Variants in RANBP2 observed in about 807,000 individuals in gnomAD.
RANBP2 encodes E3 SUMO-protein ligase RanBP2.
A neutral mutation model predicts 303.6 loss-of-function variants in RANBP2; 57 were observed. The observed-to-expected ratio is 0.19, with a 90% CI of 0.15 to 0.23. The LOEUF (loss-of-function observed/expected upper bound fraction) is 0.23, where lower values mean the gene tolerates loss of function less well. Among genes scored for constraint, RANBP2 ranks in the 10% least tolerant of loss-of-function variants. The pLI is 1.00. For missense variants in RANBP2, 3,138 were observed against 3,780.8 expected, an observed-to-expected ratio of 0.83 and a Z score of 4.46; for synonymous variants, 1,167 against 1,301.5, an observed-to-expected ratio of 0.90 and a Z score of 2.23.
At chr2:109,524,330 A>G in the RANBP2 span, among the ~76,000 whole-genome samples, 4 of 151,394 alleles carry the variant, frequency 2.6e-5, no homozygotes, top group African/African-American at 7.3e-5. Context: ...TTCTCATGAC[A>G]TGGGGATTTG....
chr2:109,546,081 T>C, the RANBP2 span: 2 of 1,602,366 alleles, frequency 1.2e-6, no homozygotes, highest in Non-Finnish European at 1.7e-6. Context: ...CTCAGGTTGC[T>C]GCCTGTTGCC....
the RANBP2 span, among the ~76,000 whole-genome samples, chr2:108,995,979 CATT>C: frequency 1.3e-5 from 2 of 152,160 alleles, no homozygotes; most frequent in Non-Finnish European, 2.9e-5. Context: ...TGCAGTTTCT[CATT>C]ATGAAAAATT....
At chr2:109,251,787 A>G in the RANBP2 span, 1 of 520,900 alleles carries the variant, frequency 1.9e-6, no homozygotes, top group South Asian at 2.4e-5. Flanking sequence ...AAAAAGAATT[A>G]GATAATACTA....
the RANBP2 span, among the ~76,000 whole-genome samples, chr2:109,285,865 TCC>T: frequency 6.6e-6 from 1 of 152,166 alleles, no homozygotes; most frequent in Non-Finnish European, 1.5e-5. Context: ...GCCTGACCAC[TCC>T]CTTCCTCCCA....
chr2:109,733,022 C>T, the RANBP2 span: 1 of 576,488 alleles, frequency 1.7e-6, no homozygotes, highest in African/African-American at 1.9e-5. Flanking sequence ...TAGGAGGGGT[C>T]TTCCACCTCG....
At chr2:109,521,744 G>A in the RANBP2 span, among the ~76,000 whole-genome samples, 1 of 152,204 alleles carries the variant, frequency 6.6e-6, no homozygotes, top group Admixed American at 6.5e-5. Flanking sequence ...AAGAAAGCAG[G>A]GTGGAGTCCC....
the RANBP2 span, among the ~76,000 whole-genome samples, chr2:109,163,702 A>G: frequency 2.0e-4 from 30 of 152,144 alleles, no homozygotes; most frequent in African/African-American, 6.5e-4. Context: ...CCTGGCCGCA[A>G]ATATTCTTAA....
the RANBP2 span, among the ~76,000 whole-genome samples, chr2:109,536,656 G>A: frequency 6.6e-6 from 1 of 152,132 alleles, no homozygotes; most frequent in East Asian, 1.9e-4. Context: ...AGGCATGATT[G>A]GTTTTGAAAT....
At chr2:109,031,751 A>C in the RANBP2 span, among the ~76,000 whole-genome samples, 1 of 152,136 alleles carries the variant, frequency 6.6e-6, no homozygotes, top group African/African-American at 2.4e-5. Context: ...ACCTGCGCCA[A>C]CGCCTACCTC....
In RANBP2 at chr2:108,751,250, T is replaced by A. The variant is rs201447069; in HGVS notation, c.1274-14T>A. 4.2e-3 allele frequency: 6,704 copies of A among 1,611,828 alleles called. 20 individuals carry two copies. The highest frequency in any genetic ancestry group is 4.6e-3 in the Non-Finnish European group (5,428 of 1,179,732). ...ATTTCAAACCCTTAAGCCAATTTTT[T>A]AATTTTATTTCAGGTGCTATTCGAG... On this transcript the variant is annotated splice_polypyrimidine_tract_variant and intron_variant, in intron 9 of 28. Coordinates refer to ENST00000283195, the MANE Select transcript of RANBP2 (RefSeq NM_006267.5).
chr2:108,945,013 A>G, the RANBP2 span, among the ~76,000 whole-genome samples: 2 of 152,136 alleles, frequency 1.3e-5, no homozygotes, highest in African/African-American at 2.4e-5. Context: ...CAGCCTGGTG[A>G]TTTGAAAAAG....
At chr2:109,429,073 G>T in the RANBP2 span, among the ~76,000 whole-genome samples, 1 of 152,204 alleles carries the variant, frequency 6.6e-6, no homozygotes, top group Non-Finnish European at 1.5e-5. Context: ...TGCCACTGTG[G>T]CTGCAGGGGG....
the RANBP2 span, among the ~76,000 whole-genome samples, chr2:109,706,502 G>A: frequency 1.3e-5 from 2 of 152,112 alleles, no homozygotes; most frequent in Non-Finnish European, 2.9e-5. Flanking sequence ...TCCTACTGAT[G>A]CCTGCCCTGA....
At chr2:109,107,432 G>C in the RANBP2 span, among the ~76,000 whole-genome samples, 1 of 152,148 alleles carries the variant, frequency 6.6e-6, no homozygotes, top group African/African-American at 2.4e-5. Context: ...GCTTCTGAAC[G>C]GGACCAGGAG....
chr2:108,800,368 G>T, the RANBP2 span, among the ~76,000 whole-genome samples: 1 of 152,002 alleles, frequency 6.6e-6, no homozygotes, highest in Non-Finnish European at 1.5e-5. Flanking sequence ...GGGTTCAAGC[G>T]ATTCTCCTGC....
chr2:108,912,591 C>G, the RANBP2 span: 1 of 1,269,524 alleles, frequency 7.9e-7, no homozygotes, highest in Non-Finnish European at 1.1e-6. Flanking sequence ...CCATAATCAT[C>G]ACTCATGATC....
At chr2:108,994,565 T>C in the RANBP2 span, among the ~76,000 whole-genome samples, 1 of 151,776 alleles carries the variant, frequency 6.6e-6, no homozygotes, top group African/African-American at 2.4e-5. Flanking sequence ...ACCAGAAAAA[T>C]TAAGAGGGGA....
chr2:108,865,799 C>T, the RANBP2 span, among the ~76,000 whole-genome samples: 4 of 152,188 alleles, frequency 2.6e-5, no homozygotes, highest in African/African-American at 7.2e-5. Context: ...CTGCTTACTC[C>T]GTGATGAGCC....
At chr2:109,703,756 C>A in the RANBP2 span, among the ~76,000 whole-genome samples, 1 of 152,164 alleles carries the variant, frequency 6.6e-6, no homozygotes, top group Admixed American at 6.6e-5. Context: ...TTTTACTTCA[C>A]CTTGTAGTTT....
Sources: gnomAD v4.1 joint callset for allele counts (sites outside exome capture counted in the v4.1 genomes callset) on GRCh38, gnomAD v4.1.1 for gene constraint, MANE v1.5 for transcripts, NCBI Gene and HGNC (gene_info 2026-07-23, HGNC 2026-07-21) for gene names.